The following FOXJ3 variants were observed in gnomAD, a reference collection of about 807,000 sequenced individuals.
FOXJ3 encodes forkhead box protein J3.
In FOXJ3, 22 loss-of-function variants were observed where a neutral mutation model predicts 76.1. The ratio of observed to expected loss-of-function variants is 0.29; its 90% confidence interval spans 0.21 to 0.41. The LOEUF (loss-of-function observed/expected upper bound fraction) is 0.41, where lower values mean the gene tolerates loss of function less well. Ranked by LOEUF, FOXJ3 falls within the 10% of genes least tolerant of loss-of-function variation. The probability of loss-of-function intolerance (pLI) is 1.00; values close to 1 mark genes in which losing one functional copy is unlikely to be tolerated. For missense variants in FOXJ3, 613 were observed against 762.1 expected, an observed-to-expected ratio of 0.80 and a Z score of 2.30; for synonymous variants, 269 against 261.2, an observed-to-expected ratio of 1.03 and a Z score of -0.29.
chr1:42,230,264 T>C (rs1188387603), intron 4 of FOXJ3, among the ~76,000 whole-genome samples: 4 of 152,180 alleles, frequency 2.6e-5, no homozygotes, highest in African/African-American at 9.7e-5. Flanking sequence ...AAAGAGACCT[T>C]AAAATTCCTC....
At chr1:42,300,425 G>C (rs1248963905) in intron 2 of FOXJ3, among the ~76,000 whole-genome samples, 1 of 152,004 alleles carries the variant, frequency 6.6e-6, no homozygotes, top group Non-Finnish European at 1.5e-5. Flanking sequence ...TGTTTGTCTG[G>C]GAAAGACTTT....
At chr1:42,185,252 A>ATTTTTTTT (rs36007346) in intron 11 of FOXJ3, among the ~76,000 whole-genome samples, 10 of 108,280 alleles carry the variant, frequency 9.2e-5, no homozygotes, top group Non-Finnish European at 1.4e-4. Context: ...AACATACTGA[A>ATTTTTTTT]TTTTTTTTTT....
At chr1:42,275,407 CA>C (rs1652186229) in intron 3 of FOXJ3, among the ~76,000 whole-genome samples, 1 of 152,130 alleles carries the variant, frequency 6.6e-6, no homozygotes. Flanking sequence ...ATAACATGTG[CA>C]GGGACGAAAG....
chr1:42,215,862 C>T (rs939542582), intron 5 of FOXJ3, among the ~76,000 whole-genome samples: 1 of 152,052 alleles, frequency 6.6e-6, no homozygotes, highest in African/African-American at 2.4e-5. Context: ...AAATACTCTT[C>T]AAAAATGAAG....
intron 1 of FOXJ3, chr1:42,323,690 A>C (rs1443853351): frequency 1.0e-6 from 1 of 982,654 alleles, no homozygotes; most frequent in Non-Finnish European, 1.2e-6. Flanking sequence ...TTACCTTTGG[A>C]TCTCTCACAA....
At chr1:42,254,369 A>G (rs537300879) in intron 4 of FOXJ3, among the ~76,000 whole-genome samples, 1 of 148,264 alleles carries the variant, frequency 6.7e-6, no homozygotes, top group East Asian at 2.0e-4. Flanking sequence ...TATTGGTGGG[A>G]CTGTAAACTA....
chr1:42,304,038 T>TA (rs1290335187), intron 2 of FOXJ3, among the ~76,000 whole-genome samples: 1 of 151,888 alleles, frequency 6.6e-6, no homozygotes, highest in Non-Finnish European at 1.5e-5. Context: ...AAGACTCCAC[T>TA]AAAAAACTAC....
intron 7 of FOXJ3, among the ~76,000 whole-genome samples, chr1:42,195,665 A>C (rs1347413479): frequency 6.6e-6 from 1 of 152,248 alleles, no homozygotes; most frequent in Non-Finnish European, 1.5e-5. Context: ...GTACTACATG[A>C]AAGGGTGGTA....
intron 1 of FOXJ3, chr1:42,315,473 C>A: frequency 2.4e-6 from 2 of 841,864 alleles, no homozygotes; most frequent in Non-Finnish European, 2.9e-6. Flanking sequence ...AACACCAACA[C>A]CCTTAGTACC....
intron 4 of FOXJ3, among the ~76,000 whole-genome samples, chr1:42,237,427 T>TATATATACACAC (rs1166082659): frequency 4.6e-5 from 6 of 129,918 alleles, no homozygotes; most frequent in African/African-American, 1.6e-4. Flanking sequence ...TATATATATA[T>TATATATACACAC]ACATACATAC....
chr1:42,239,745 T>C (rs947185230), intron 4 of FOXJ3, among the ~76,000 whole-genome samples: 3 of 152,180 alleles, frequency 2.0e-5, no homozygotes, highest in Non-Finnish European at 4.4e-5. Flanking sequence ...ATAATTTTGT[T>C]GAAGGATAGT....
chr1:42,194,704 T>A (rs976701964), intron 8 of FOXJ3, among the ~76,000 whole-genome samples, 186 bp downstream of exon 8: 1 of 152,220 alleles, frequency 6.6e-6, no homozygotes, highest in African/African-American at 2.4e-5. Flanking sequence ...ATAAAATTTA[T>A]CTGCCATTTT....
At chr1:42,226,081 T>C (rs901625885) in intron 5 of FOXJ3, among the ~76,000 whole-genome samples, 1 of 152,234 alleles carries the variant, frequency 6.6e-6, no homozygotes, top group Non-Finnish European at 1.5e-5. Flanking sequence ...CTATGTGTTT[T>C]TTAAAATGTG....
At chr1:42,201,148 G>A (rs1326637470) in intron 6 of FOXJ3, among the ~76,000 whole-genome samples, 1 of 152,054 alleles carries the variant, frequency 6.6e-6, no homozygotes, top group Non-Finnish European at 1.5e-5. Context: ...TTAATTCTAA[G>A]GCTTTATCCG....
chr1:42,182,444 G>A (rs1215294000), intron 11 of FOXJ3, among the ~76,000 whole-genome samples: 5 of 152,136 alleles, frequency 3.3e-5, no homozygotes, highest in African/African-American at 1.2e-4. Flanking sequence ...AACCTGACTT[G>A]CCCAAAGACA....
At chr1:42,292,129 T>C (rs1011046911) in intron 2 of FOXJ3, among the ~76,000 whole-genome samples, 8 of 151,954 alleles carry the variant, frequency 5.3e-5, no homozygotes, top group Non-Finnish European at 1.2e-4. Flanking sequence ...AGAAAAAGGA[T>C]TCATAAGAAA....
At chr1:42,290,466 T>A (rs1653346853) in intron 2 of FOXJ3, among the ~76,000 whole-genome samples, 1 of 152,158 alleles carries the variant, frequency 6.6e-6, no homozygotes, top group Non-Finnish European at 1.5e-5. Flanking sequence ...GATAACTGAC[T>A]TACATGAAAA....
chr1:42,179,686 T>A lies in FOXJ3; in HGVS notation c.*24A>T. On this transcript the variant is annotated 3_prime_UTR_variant, in exon 13 of 13. Transcript: ENST00000361346. Reference sequence around the variant, plus strand: ...ACTGCACAGAAAGGTAACGTTAGGGTCTGGTGTCTTGCAGAAACAAGCCCT... The same window carrying A: ...ACTGCACAGAAAGGTAACGTTAGGGACTGGTGTCTTGCAGAAACAAGCCCT... 7.1e-7 allele frequency: 1 copy of A among 1,402,464 alleles called. No individual in the cohort carries two copies. The highest frequency in any genetic ancestry group is 1.0e-6 in the Non-Finnish European group (1 of 986,944). 86.9% of individuals were successfully genotyped at this position (1,402,464 alleles called of 1,614,324 possible). A position where few individuals can be genotyped will look rare whatever the true frequency, so the allele number is the denominator to read the frequency against.
rs1341229108 is a variant in FOXJ3 at position 42,177,818 on chromosome 1, G to A, written c.*1892C>T. Reference sequence around the variant, plus strand: ...ACAGCACACACACACAGAAACAAAAGATGTTTGTTTAGTTCAAGTAGAGAT... The same window carrying A: ...ACAGCACACACACACAGAAACAAAAAATGTTTGTTTAGTTCAAGTAGAGAT... On this transcript the variant is annotated 3_prime_UTR_variant, in exon 13 of 13. Transcript: ENST00000361346. 1 of 152,236 alleles carries A rather than the reference G, an allele frequency of 6.6e-6. No individual in the cohort carries two copies. The highest frequency in any genetic ancestry group is 1.5e-5 in the Non-Finnish European group (1 of 67,958). 9.4% of individuals were successfully genotyped at this position (152,236 alleles called of 1,614,324 possible).
Sources: allele counts gnomAD v4.1 joint callset (sites outside exome capture counted in the v4.1 genomes callset), GRCh38; gene constraint gnomAD v4.1.1; transcripts MANE v1.5; gene names NCBI Gene and HGNC (gene_info 2026-07-23, HGNC 2026-07-21).